The following ATP13A4 variants were observed in gnomAD, a reference collection of about 807,000 sequenced individuals.
The protein encoded by ATP13A4 is probable cation-transporting ATPase 13A4.
Under a neutral mutation model 142.5 loss-of-function variants are expected in ATP13A4, and 114 were observed. The ratio of observed to expected loss-of-function variants is 0.80; its 90% CI spans 0.69 to 0.93. The LOEUF (loss-of-function observed/expected upper bound fraction) is 0.93, where lower values mean the gene tolerates loss of function less well. ATP13A4 is among the 40% of genes least tolerant of loss of function. The pLI, the probability that ATP13A4 is intolerant of heterozygous loss-of-function variation, is 0.00. For missense variants in ATP13A4, 1,392 were observed against 1,454.0 expected (o/e 0.96, Z 0.69); for synonymous variants, 488 against 514.8 (o/e 0.95, Z 0.70).
chr3:193,541,182 G>C (rs1722890017), intron 1 of ATP13A4, among the ~76,000 whole-genome samples: 1 of 147,728 alleles, frequency 6.8e-6, no homozygotes, highest in Non-Finnish European at 1.5e-5. Flanking sequence ...CCGGGAGGCG[G>C]AGCTTGCAGT....
Position 193,466,132 on chromosome 3 carries a change from G to C in ATP13A4, c.1165C>G (p.Pro389Ala), listed in dbSNP as rs945635977. Residue 389 changes from proline to alanine, a missense_variant, in exon 11 of 30, where the codon CCA becomes GCA. Coordinates refer to ENST00000342695, the MANE Select transcript of ATP13A4 (RefSeq NM_032279.4). ...TCCCTGTACAACTGAAAATTCACTGGCTTAGGGTAGAGAATGGATCTCACA... is the reference window on the plus strand; with the variant it reads ...TCCCTGTACAACTGAAAATTCACTGCCTTAGGGTAGAGAATGGATCTCACA... ...DLVRSILYPK[P>A]VNFQLYRDAI... 1.2e-6 allele frequency: 2 copies of C among 1,613,960 alleles called. No homozygotes were observed. Among genetic ancestry groups the C allele is most frequent in the African/African-American group, 2.7e-5 (2 of 74,898 alleles).
At position 193,439,042 on chromosome 3, in the gene ATP13A4, T is replaced by C. The variant is rs1482304519; in HGVS notation, c.2543A>G (p.Asp848Gly). ...ACTTACCCCACAGTCATTGGCTCCA[T>C]CACCACACATACCTACAAAGTAACT... ...KLDYFVGMCG[D>G]GANDCGALKM... Residue 848 changes from aspartate to glycine, a missense_variant, in exon 22 of 30, where the codon GAT (aspartate) becomes GGT (glycine). Asp to Gly is a moderately conservative substitution (Grantham distance 94). Coordinates refer to ENST00000342695, the MANE Select transcript of ATP13A4 (RefSeq NM_032279.4). 21 of 1,609,748 alleles carry C rather than the reference T, an allele frequency of 1.3e-5. No homozygotes were observed. The highest frequency in any genetic ancestry group is 1.8e-5 in the Non-Finnish European group (21 of 1,176,126).
At chr3:193,417,271 T>C (rs2108607027) in intron 25 of ATP13A4, among the ~76,000 whole-genome samples, 1 of 152,304 alleles carries the variant, frequency 6.6e-6, no homozygotes, top group African/African-American at 2.4e-5. Flanking sequence ...ACTCAAACAC[T>C]TACGTAGAAA....
chr3:193,413,935 T>A (rs1167716141), intron 26 of ATP13A4, among the ~76,000 whole-genome samples: 1 of 152,220 alleles, frequency 6.6e-6, no homozygotes, highest in Non-Finnish European at 1.5e-5. Context: ...ACCTACTCCC[T>A]GTTCATACAC....
At chr3:193,539,394 G>T (rs1245379111) in intron 1 of ATP13A4, among the ~76,000 whole-genome samples, 1 of 152,210 alleles carries the variant, frequency 6.6e-6, no homozygotes, top group Non-Finnish European at 1.5e-5. Context: ...AACTATGCCT[G>T]TGGCATGGAC....
chr3:193,543,506 C>G (rs1723056786), intron 1 of ATP13A4, among the ~76,000 whole-genome samples: 2 of 152,164 alleles, frequency 1.3e-5, no homozygotes, highest in Admixed American at 1.3e-4. Flanking sequence ...GTAAGCAACA[C>G]TAAACTAGTC....
At chr3:193,568,776 T>A (rs553237492) in intron 2 of ATP13A4, among the ~76,000 whole-genome samples, 12 of 152,094 alleles carry the variant, frequency 7.9e-5, no homozygotes, top group Admixed American at 3.9e-4. Flanking sequence ...TGAGGATGGG[T>A]CAAATGGGTA....
Position 193,402,429 on chromosome 3 carries a change from T to C in ATP13A4, c.*223A>G. ...TTGGCCCATTCTTGCCTTCACTGAA[T>C]GCCTCTAATACCTTCAGAAGCCAAG... On this transcript the variant is annotated 3_prime_UTR_variant, in exon 30 of 30. Transcript: ENST00000342695. 1 of 518,146 alleles carries C rather than the reference T, an allele frequency of 1.9e-6. No individual in the cohort carries two copies. Among genetic ancestry groups the C allele is most frequent in the Non-Finnish European group, 3.5e-6 (1 of 288,278 alleles). 32.1% of individuals were successfully genotyped at this position (518,146 alleles called of 1,614,324 possible).
intron 9 of ATP13A4, among the ~76,000 whole-genome samples, chr3:193,469,548 A>G (rs1406663345): frequency 6.6e-6 from 1 of 152,170 alleles, no homozygotes; most frequent in East Asian, 1.9e-4. Context: ...TGATTGCTTG[A>G]ACCCGGGAGG....
intron 28 of ATP13A4, 148 bp downstream of exon 28, chr3:193,410,834 T>C (rs190112523): frequency 3.6e-5 from 22 of 612,398 alleles, no homozygotes; most frequent in African/African-American, 1.9e-5. Context: ...ATAAAAAATA[T>C]AGATAAATTT....
intron 3 of ATP13A4, among the ~76,000 whole-genome samples, chr3:193,498,868 T>C (rs569915237): frequency 4.6e-5 from 7 of 152,318 alleles, no homozygotes; most frequent in African/African-American, 1.7e-4. Flanking sequence ...ATTATAGTCA[T>C]TATAACCATT....
chr3:193,525,277 T>C (rs1261670351), intron 1 of ATP13A4, among the ~76,000 whole-genome samples: 1 of 152,194 alleles, frequency 6.6e-6, no homozygotes, highest in Admixed American at 6.5e-5. Flanking sequence ...CATCATTTTT[T>C]AGAGAAGAAA....
Position 193,420,470 on chromosome 3 carries a change from C to T in ATP13A4, c.2843-5720G>A, listed in dbSNP as rs892746010. On this transcript the variant is annotated intron_variant, in intron 25 of 29. Coordinates refer to ENST00000342695, the MANE Select transcript of ATP13A4 (RefSeq NM_032279.4). ...AAAAAGGAAATACGAAAGAGCGAGA[C>T]AATATGATATCAACAAAGAAACACG... Among the ~76,000 whole-genome samples, 3 of 149,714 alleles carry T rather than the reference C, an allele frequency of 2.0e-5. 1 individual carries two copies. Among genetic ancestry groups the T allele is most frequent in the African/African-American group, 7.4e-5 (3 of 40,662 alleles).
At chr3:193,403,988 G>C (rs1714371680) in intron 29 of ATP13A4, 2 of 985,400 alleles carry the variant, frequency 2.0e-6, no homozygotes, top group African/African-American at 1.7e-5. Flanking sequence ...AAAGGATAGA[G>C]AACAGCCAGT....
intron 28 of ATP13A4, 138 bp downstream of exon 28, chr3:193,410,844 T>A (rs915155992): frequency 1.6e-6 from 1 of 632,458 alleles, no homozygotes; most frequent in African/African-American, 1.9e-5. Context: ...TAGATAAATT[T>A]AGCATTTTTT....
At chr3:193,511,583 G>GAC (rs745655299) in intron 2 of ATP13A4, among the ~76,000 whole-genome samples, 9 of 151,832 alleles carry the variant, frequency 5.9e-5, no homozygotes, top group East Asian at 5.8e-4. Context: ...CTTGAGCAAT[G>GAC]ACACACACAC....
chr3:193,402,286 C>G lies in ATP13A4; in HGVS notation c.*366G>C, dbSNP rs1195425950. 2 of 233,214 alleles carry G rather than the reference C, an allele frequency of 8.6e-6. No homozygotes were observed. Among genetic ancestry groups the G allele is most frequent in the Non-Finnish European group, 1.7e-5 (2 of 117,826 alleles). 14.4% of individuals were successfully genotyped at this position (233,214 alleles called of 1,614,324 possible). ...CAAAAATTACAACTCCGTGAGTATA[C>G]ACAGTACTACTTCCCCTCAACTCAT... On this transcript the variant is annotated 3_prime_UTR_variant, in exon 30 of 30. Transcript: ENST00000342695.
At chr3:193,496,849 A>G (rs1720266391) in intron 3 of ATP13A4, among the ~76,000 whole-genome samples, 1 of 151,546 alleles carries the variant, frequency 6.6e-6, no homozygotes, top group Non-Finnish European at 1.5e-5. Context: ...TAAAACTGAG[A>G]AACCTGGCAA....
chr3:193,577,818 CTG>C (rs1255800588), intron 2 of ATP13A4, among the ~76,000 whole-genome samples: 1 of 152,212 alleles, frequency 6.6e-6, no homozygotes, highest in African/African-American at 2.4e-5. Context: ...ATACAGAAGA[CTG>C]TATCTCATGA....
Sources: allele counts gnomAD v4.1 joint callset (sites outside exome capture counted in the v4.1 genomes callset), GRCh38; gene constraint gnomAD v4.1.1; transcripts MANE v1.5; gene names NCBI Gene and HGNC (gene_info 2026-07-23, HGNC 2026-07-21).